AQP1: variants seen among roughly 807,000 people sequenced by gnomAD.
AQP1 encodes aquaporin 1 (Colton blood group), also known as aquaporin-1.
Under a neutral mutation model 19.7 loss-of-function variants are expected in AQP1, and 11 were observed. That is an observed-to-expected ratio of 0.56 (90% CI 0.35 to 0.92). The LOEUF is 0.92. Among genes scored for constraint, AQP1 ranks in the 40% least tolerant of loss-of-function variants. The pLI, the probability that AQP1 is intolerant of heterozygous loss-of-function variation, is 0.01. For missense variants in AQP1, 320 were observed against 369.7 expected, an observed-to-expected ratio of 0.87 and a Z score of 1.10; for synonymous variants, 159 against 166.7, an observed-to-expected ratio of 0.95 and a Z score of 0.36.
rs112986499 is a variant in AQP1 at position 30,916,776 on chromosome 7, A to C, written c.384+4483A>C. ...GGCAGATTTCTACTCAGTGTAAAGA[A>C]GGTTGTTGTTGATATTGTTGTTGAC... On this transcript the variant is annotated intron_variant, in intron 1 of 3. Coordinates refer to ENST00000311813, the MANE Select transcript of AQP1 (RefSeq NM_198098.4). Among the ~76,000 whole-genome samples the C allele has an allele frequency of 3.6e-3, 549 of 152,300 alleles. 1 individual carries two copies. The highest frequency in any genetic ancestry group is 0.012 in the African/African-American group (502 of 41,556).
chr7:30,914,537 A>C (rs1261951043), intron 1 of AQP1, among the ~76,000 whole-genome samples: 2 of 152,164 alleles, frequency 1.3e-5, no homozygotes, highest in Non-Finnish European at 2.9e-5. Context: ...TCAGGACCTC[A>C]ACTCTGGGCC....
intron 1 of AQP1, among the ~76,000 whole-genome samples, chr7:30,916,536 G>C (rs1391041526): frequency 6.6e-6 from 1 of 152,252 alleles, no homozygotes; most frequent in Non-Finnish European, 1.5e-5. Context: ...CTTCCCCATG[G>C]GGATGAGAGG....
intron 1 of AQP1, chr7:30,921,779 G>T: frequency 6.4e-7 from 1 of 1,550,642 alleles, no homozygotes; most frequent in Non-Finnish European, 8.7e-7. Context: ...GGATGCAAAG[G>T]CCCCAGCTCA....
Position 30,912,132 on chromosome 7 carries a change from C to A in AQP1, c.223C>A (p.Leu75Ile). The change falls in exon 1 of 4, where the codon CTC becomes ATC. Residue 75 changes from leucine to isoleucine, a missense_variant. Coordinates refer to ENST00000311813, the MANE Select transcript of AQP1 (RefSeq NM_198098.4). The surrounding 1 kb of genome is among the most constrained non-coding windows in gnomAD (Gnocchi z 4.3). ...QSVGHISGAH[L>I]NPAVTLGLLL... ...TGTGGGCCACATCAGCGGCGCCCAC[C>A]TCAACCCGGCTGTCACACTGGGGCT... 1 of 1,613,184 alleles carries A rather than the reference C, an allele frequency of 6.2e-7. No individual in the cohort carries two copies. Among genetic ancestry groups the A allele is most frequent in the Non-Finnish European group, 8.5e-7 (1 of 1,180,044 alleles).
At chr7:30,921,761 A>G (rs1791506514) in intron 1 of AQP1, 1 of 1,550,592 alleles carries the variant, frequency 6.4e-7, no homozygotes, top group South Asian at 1.2e-5. Context: ...CCTGGCCTGG[A>G]TGCAGCTGGA....
rs1791190089 is a variant in AQP1, at chr7:30,912,375, A to G, written c.384+82A>G. On this transcript the variant is annotated intron_variant, in intron 1 of 3. Coordinates refer to ENST00000311813, the MANE Select transcript of AQP1 (RefSeq NM_198098.4). This position sits in a 1 kb window ranked among gnomAD's most constrained non-coding sequence, Gnocchi z 4.3. Reference sequence around the variant, plus strand: ...GTTCCATCCTCTGCCCATTGTGCAGATGGGGACACTGAGGAACGGAGAGGA... The same window carrying G: ...GTTCCATCCTCTGCCCATTGTGCAGGTGGGGACACTGAGGAACGGAGAGGA... 1 of 1,549,968 alleles carries G rather than the reference A, an allele frequency of 6.5e-7. No individual in the cohort carries two copies.
intron 1 of AQP1, among the ~76,000 whole-genome samples, chr7:30,917,076 G>A (rs1287201410): frequency 1.3e-5 from 2 of 152,186 alleles, no homozygotes; most frequent in African/African-American, 2.4e-5. Flanking sequence ...GCGGGGGCTC[G>A]AATCTGGGCC....
intron 1 of AQP1, among the ~76,000 whole-genome samples, chr7:30,915,779 C>T (rs957983392): frequency 4.6e-5 from 7 of 152,186 alleles, no homozygotes; most frequent in Admixed American, 1.3e-4. Context: ...CCCTTTATCC[C>T]GTTTTTCTGG....
At chr7:30,915,209 A>G (rs1791281827) in intron 1 of AQP1, among the ~76,000 whole-genome samples, 2 of 152,130 alleles carry the variant, frequency 1.3e-5, no homozygotes, top group Non-Finnish European at 2.9e-5. Context: ...GCTCCCTGCA[A>G]GCATGACCAG....
intron 1 of AQP1, among the ~76,000 whole-genome samples, chr7:30,917,324 G>A (rs1241236029): frequency 6.6e-6 from 1 of 152,224 alleles, no homozygotes; most frequent in African/African-American, 2.4e-5. Flanking sequence ...GGAGGGTTGG[G>A]CGGGGATTCC....
At chr7:30,921,361 A>G in intron 1 of AQP1, 1 of 1,377,158 alleles carries the variant, frequency 7.3e-7, no homozygotes, top group Non-Finnish European at 9.4e-7. Context: ...CTGGCCAGGC[A>G]GAGGGAGGGT....
chr7:30,912,131 C>T lies in AQP1; in HGVS notation c.222C>T (p.His74=), dbSNP rs1230885373. 6.2e-6 allele frequency: 10 copies of T among 1,613,052 alleles called. No individual in the cohort carries two copies. The highest frequency in any genetic ancestry group is 7.6e-6 in the Non-Finnish European group (9 of 1,180,048). The stretch of plus-strand genomic sequence containing the variant: ...GTGTGGGCCACATCAGCGGCGCCCA[C>T]CTCAACCCGGCTGTCACACTGGGGC... ...AQSVGHISGA[H]LNPAVTLGLL... The change falls in exon 1 of 4, where the codon CAC becomes CAT. Residue 74 remains histidine (H), a synonymous_variant. Coordinates refer to ENST00000311813, the MANE Select transcript of AQP1 (RefSeq NM_198098.4). The surrounding 1 kb of genome is among the most constrained non-coding windows in gnomAD (Gnocchi z 4.3).
In AQP1 at chr7:30,911,967, G is replaced by A. The variant is rs1791175731; in HGVS notation, c.58G>A (p.Ala20Thr). Residue 20 changes from alanine (A) to threonine (T), a missense_variant, in exon 1 of 4, where the codon GCC (alanine) becomes ACC (threonine). Transcript: ENST00000311813. ...GAGGGCAGTGGTGGCCGAGTTCCTG[G>A]CCACGACCCTCTTTGTCTTCATCAG... ...FWRAVVAEFLATTLFVFISIG... is the reference protein window; with the variant it reads ...FWRAVVAEFLTTTLFVFISIG... The A allele has an allele frequency of 1.9e-6, 3 of 1,613,428 alleles. No individual in the cohort carries two copies. The highest frequency in any genetic ancestry group is 2.2e-5 in the South Asian group (2 of 91,086).
In AQP1 at chr7:30,912,701, A is replaced by T. The variant is rs1388150620; in HGVS notation, c.384+408A>T. ...TTGCCCGCTGTCCCCAGCCACCCTGAACCAAATGCCCAGCCTGTCTGCAGC... is the reference window on the plus strand; with the variant it reads ...TTGCCCGCTGTCCCCAGCCACCCTGTACCAAATGCCCAGCCTGTCTGCAGC... On this transcript the variant is annotated intron_variant, in intron 1 of 3. Transcript: ENST00000311813. This position sits in a 1 kb window ranked among gnomAD's most constrained non-coding sequence, Gnocchi z 4.3. Among the ~76,000 whole-genome samples, 1 of 152,136 alleles carries T rather than the reference A, an allele frequency of 6.6e-6. No homozygotes were observed. Among genetic ancestry groups the T allele is most frequent in the Non-Finnish European group, 1.5e-5 (1 of 68,018 alleles).
At chr7:30,921,852 G>A (rs1359881504) in intron 1 of AQP1, 1 of 1,543,670 alleles carries the variant, frequency 6.5e-7, no homozygotes, top group South Asian at 1.2e-5. Context: ...TTAGGGGCTG[G>A]GCTGGAGTTT....
In AQP1 at chr7:30,919,555, ACTTTTT is replaced by A. The variant is rs1562579161; in HGVS notation, c.385-2510_385-2505del. The stretch of plus-strand genomic sequence containing the variant: ...AGAATTGAGAATTGTTCTGATTCTT[ACTTTTT>A]TTTTTTTTTTTTTGCCTTAATAAGA... On this transcript the variant is annotated intron_variant, in intron 1 of 3. Coordinates refer to ENST00000311813, the MANE Select transcript of AQP1 (RefSeq NM_198098.4). Among the ~76,000 whole-genome samples the A allele has an allele frequency of 6.8e-4, 99 of 146,264 alleles. No individual in the cohort carries two copies. The Middle Eastern group carries it at 0.018, about 27-fold the overall frequency.
chr7:30,915,889 A>G (rs570139192), intron 1 of AQP1, among the ~76,000 whole-genome samples: 13 of 152,220 alleles, frequency 8.5e-5, no homozygotes, highest in African/African-American at 3.1e-4. Flanking sequence ...GGGATGGGGA[A>G]AGGAAGGCAG....
intron 1 of AQP1, among the ~76,000 whole-genome samples, chr7:30,917,973 G>A (rs1263413355): frequency 1.3e-5 from 2 of 152,032 alleles, no homozygotes; most frequent in Admixed American, 6.6e-5. Context: ...ACAAGTGGGG[G>A]ATTTTTGCAG....
rs1391711860 is a variant in AQP1 at position 30,923,522 on chromosome 7, A to G, written c.703A>G (p.Ser235Gly). 1 of 1,614,164 alleles carries G rather than the reference A, an allele frequency of 6.2e-7. No individual in the cohort carries two copies. Among genetic ancestry groups the G allele is most frequent in the Non-Finnish European group, 8.5e-7 (1 of 1,180,032 alleles). Residue 235 changes from serine (S) to glycine (G), a missense_variant, in exon 4 of 4, where the codon AGC (serine) becomes GGC (glycine). By Grantham distance (56) the Ser-to-Gly change is moderately conservative. Coordinates refer to ENST00000311813, the MANE Select transcript of AQP1 (RefSeq NM_198098.4). The surrounding 1 kb of genome is among the most constrained non-coding windows in gnomAD (Gnocchi z 4.8). ...LIYDFILAPR[S>G]SDLTDRVKVW... is the part of the protein sequence containing the mutation. ...CTACGACTTCATCCTGGCCCCACGC[A>G]GCAGTGACCTCACAGACCGCGTGAA...
Sources: gnomAD v4.1 joint callset for allele counts (sites outside exome capture counted in the v4.1 genomes callset) on GRCh38, gnomAD v4.1.1 for gene constraint, Gnocchi (gnomAD v3.1) non-coding constraint, MANE v1.5 for transcripts, NCBI Gene and HGNC (gene_info 2026-07-23, HGNC 2026-07-21) for gene names.